The following DRD2 variants were observed in gnomAD, a reference collection of about 807,000 sequenced individuals.
DRD2 encodes the protein dopamine receptor D2, also known as D(2) dopamine receptor.
In DRD2, 8 loss-of-function variants were observed where a neutral mutation model predicts 38.0. The observed-to-expected ratio is 0.21, with a 90% CI of 0.12 to 0.38. The LOEUF is 0.38. Ranked by LOEUF, DRD2 falls within the 10% of genes least tolerant of loss-of-function variation. The pLI is 1.00. For missense variants in DRD2, 403 were observed against 607.7 expected (o/e 0.66, Z 3.54); for synonymous variants, 230 against 238.6 (o/e 0.96, Z 0.33).
chr11:113,452,823 T>C (rs1054026075), intron 1 of DRD2, among the ~76,000 whole-genome samples: 4 of 150,360 alleles, frequency 2.7e-5, no homozygotes, highest in African/African-American at 9.8e-5. Flanking sequence ...AATTTTTGTA[T>C]TTTTTTTTAG....
At chr11:113,453,740 C>T (rs894138555) in intron 1 of DRD2, among the ~76,000 whole-genome samples, 6 of 152,328 alleles carry the variant, frequency 3.9e-5, no homozygotes, top group African/African-American at 1.4e-4. Context: ...GTTGTCCCCC[C>T]AGGCTGGACT....
At chr11:113,432,750 C>T (rs1330768172) in intron 1 of DRD2, among the ~76,000 whole-genome samples, 2 of 152,190 alleles carry the variant, frequency 1.3e-5, no homozygotes, top group East Asian at 1.9e-4. Flanking sequence ...AGGCCACCTG[C>T]CCCTACCCCT....
chr11:113,439,280 G>T (rs1951065072), intron 1 of DRD2, among the ~76,000 whole-genome samples: 1 of 152,110 alleles, frequency 6.6e-6, no homozygotes, highest in Non-Finnish European at 1.5e-5. Context: ...AGTGCTTCCT[G>T]GATGTTTGTT....
rs1950917867 is a variant in DRD2, at chr11:113,424,427, G to A, written c.225C>T (p.Ser75=). The A allele has an allele frequency of 1.9e-6, 3 of 1,614,114 alleles. No homozygotes were observed. Among genetic ancestry groups the A allele is most frequent in the East Asian group, 2.2e-5 (1 of 44,886 alleles). Residue 75 remains serine, a synonymous_variant, in exon 2 of 8, where the codon AGC becomes AGT. Transcript: ENST00000362072. ...LQTTTNYLIV[S]LAVADLLVAT... ...CGACGAGGAGGTCGGCCACTGCGAGGCTGACGATCAGGTAGTTGGTGGTGG... is the reference window on the plus strand; with the variant it reads ...CGACGAGGAGGTCGGCCACTGCGAGACTGACGATCAGGTAGTTGGTGGTGG...
At chr11:113,433,300 G>A (rs1951005870) in intron 1 of DRD2, among the ~76,000 whole-genome samples, 1 of 152,118 alleles carries the variant, frequency 6.6e-6, no homozygotes. Context: ...CCTGAGGGAA[G>A]AAATGCAGAT....
At chr11:113,423,792 C>T (rs1251783210) in intron 2 of DRD2, among the ~76,000 whole-genome samples, 1 of 152,158 alleles carries the variant, frequency 6.6e-6, no homozygotes, top group Non-Finnish European at 1.5e-5. Flanking sequence ...ACCTGCAGGT[C>T]CTGGACAGGG....
chr11:113,454,464 C>T (rs915659918), intron 1 of DRD2, among the ~76,000 whole-genome samples: 1 of 152,154 alleles, frequency 6.6e-6, no homozygotes, highest in African/African-American at 2.4e-5. Flanking sequence ...GGGACTTAAA[C>T]TCATCTGATT....
intron 2 of DRD2, among the ~76,000 whole-genome samples, chr11:113,421,245 GC>G (rs1460769642): frequency 6.6e-6 from 1 of 152,090 alleles, no homozygotes; most frequent in Non-Finnish European, 1.5e-5. Context: ...TGGGCCTTAT[GC>G]CCCACACCTC....
chr11:113,450,021 T>A (rs1951195097), intron 1 of DRD2: 1 of 154,254 alleles, frequency 6.5e-6, no homozygotes, highest in African/African-American at 2.4e-5. Context: ...ATTCCCAGCA[T>A]CCAGAGCTGC....
At chr11:113,426,066 A>T (rs1286376475) in intron 1 of DRD2, among the ~76,000 whole-genome samples, 1 of 152,044 alleles carries the variant, frequency 6.6e-6, no homozygotes, top group Non-Finnish European at 1.5e-5. Flanking sequence ...GCTGTAATTT[A>T]GGTTAGAAAT....
intron 1 of DRD2, among the ~76,000 whole-genome samples, chr11:113,467,449 G>A (rs1951381005): frequency 6.6e-6 from 1 of 152,114 alleles, no homozygotes; most frequent in African/African-American, 2.4e-5. Context: ...AAACATGATA[G>A]CATTTGCTCC....
intron 1 of DRD2, among the ~76,000 whole-genome samples, chr11:113,426,088 G>C (rs1229942932): frequency 6.6e-6 from 1 of 152,090 alleles, no homozygotes; most frequent in African/African-American, 2.4e-5. Context: ...GTGGTCATCT[G>C]AACGAAGATA....
At chr11:113,463,018 A>G (rs1308264288) in intron 1 of DRD2, among the ~76,000 whole-genome samples, 8 of 152,110 alleles carry the variant, frequency 5.3e-5, no homozygotes, top group South Asian at 4.2e-4. Context: ...TTCAAGGAGC[A>G]TATGCACGTC....
At position 113,475,338 on chromosome 11, in the gene DRD2, G is replaced by A. The variant is rs1392264227; in HGVS notation, c.-294C>T. 1 of 148,984 alleles carries A rather than the reference G, an allele frequency of 6.7e-6. No homozygotes were observed. The highest frequency in any genetic ancestry group is 1.5e-5 in the Non-Finnish European group (1 of 66,526). 9.2% of individuals were successfully genotyped at this position (148,984 alleles called of 1,614,324 possible). ...CCGGGCGCGGGGCGGGCGGGCAGGA[G>A]GGAGCGCGGGGACGGGGCGGAGGCG... On this transcript the variant is annotated 5_prime_UTR_variant, in exon 1 of 8. Coordinates refer to ENST00000362072, the MANE Select transcript of DRD2 (RefSeq NM_000795.4).
intron 1 of DRD2, among the ~76,000 whole-genome samples, chr11:113,432,874 T>G (rs564034282): frequency 1.3e-5 from 2 of 152,212 alleles, no homozygotes; most frequent in Non-Finnish European, 2.9e-5. Flanking sequence ...GCCCGTTCCT[T>G]CCCACATCCA....
At chr11:113,466,853 G>A (rs1461474474) in intron 1 of DRD2, among the ~76,000 whole-genome samples, 1 of 152,220 alleles carries the variant, frequency 6.6e-6, no homozygotes, top group Admixed American at 6.5e-5. Context: ...GGAGCTCATG[G>A]TCTGGTGGAG....
chr11:113,431,357 T>C (rs979501961), intron 1 of DRD2, among the ~76,000 whole-genome samples: 2 of 152,220 alleles, frequency 1.3e-5, no homozygotes, highest in Non-Finnish European at 2.9e-5. Context: ...ACCATGCAGA[T>C]GCTTGCAGAC....
chr11:113,428,080 G>C (rs1475567479), intron 1 of DRD2, among the ~76,000 whole-genome samples: 2 of 152,176 alleles, frequency 1.3e-5, no homozygotes, highest in Admixed American at 1.3e-4. Context: ...CCAGCCTCCA[G>C]AACTATGAGG....
At chr11:113,436,527 G>A (rs1951039372) in intron 1 of DRD2, among the ~76,000 whole-genome samples, 1 of 152,086 alleles carries the variant, frequency 6.6e-6, no homozygotes, top group Non-Finnish European at 1.5e-5. Context: ...GCATTCTGGT[G>A]AATTTTTTTA....
Sources: gnomAD v4.1 joint callset for allele counts (sites outside exome capture counted in the v4.1 genomes callset) on GRCh38, gnomAD v4.1.1 for gene constraint, MANE v1.5 for transcripts, NCBI Gene and HGNC (gene_info 2026-07-23, HGNC 2026-07-21) for gene names.